SV2B: variants seen among roughly 807,000 people sequenced by gnomAD.
The protein encoded by SV2B is synaptic vesicle glycoprotein 2B.
In SV2B, 41 loss-of-function variants were observed where a neutral mutation model predicts 73.9. That is an observed-to-expected ratio of 0.56 (90% CI 0.43 to 0.72). The LOEUF (loss-of-function observed/expected upper bound fraction) is 0.72, where lower values mean the gene tolerates loss of function less well. Among genes scored for constraint, SV2B ranks in the 30% least tolerant of loss-of-function variants. SV2B has a pLI of 0.00. For synonymous variants in SV2B, 314 were observed against 314.2 expected, an observed-to-expected ratio of 1.00 and a Z score of 0.01; for missense variants, 764 against 857.8, an observed-to-expected ratio of 0.89 and a Z score of 1.37.
chr15:91,243,811 TCA>T (rs1462187011), intron 2 of SV2B, among the ~76,000 whole-genome samples: 1 of 152,226 alleles, frequency 6.6e-6, no homozygotes, highest in Non-Finnish European at 1.5e-5. Context: ...CTTCTGTCTC[TCA>T]GACTCCCTGA....
Position 91,260,305 on chromosome 15 carries a change from C to G in SV2B, c.919-15C>G, listed in dbSNP as rs749969068. 2.5e-6 allele frequency: 4 copies of G among 1,597,880 alleles called. No homozygotes were observed. The South Asian group carries it at 3.4e-5, about 14-fold the overall frequency. On this transcript the variant is annotated splice_polypyrimidine_tract_variant and intron_variant, in intron 5 of 12. Transcript: ENST00000394232. Reference sequence around the variant, plus strand: ...AGCAATGAATTTTTCCTGTGTCTTTCCTTGGTTTCACCAGATGGGCAAACA... The same window carrying G: ...AGCAATGAATTTTTCCTGTGTCTTTGCTTGGTTTCACCAGATGGGCAAACA...
At chr15:91,169,133 A>G (rs1483335073) in intron 1 of SV2B, among the ~76,000 whole-genome samples, 1 of 152,170 alleles carries the variant, frequency 6.6e-6, no homozygotes, top group Non-Finnish European at 1.5e-5. Context: ...AATCACTGTC[A>G]TCTCATTCTG....
rs1031616037 is a variant in SV2B, at chr15:91,224,811, A to G, written c.-391-1062A>G. 2.6e-5 allele frequency among the ~76,000 whole-genome samples: 4 copies of G among 152,228 alleles called. No homozygotes were observed. The highest frequency in any genetic ancestry group is 9.6e-5 in the African/African-American group (4 of 41,460). ...CTCAGCACATGTTCTGGCACACAGT[A>G]GGCCACAATAAATGGTGGCCCCAAG... On this transcript the variant is annotated intron_variant, in intron 1 of 12. Transcript: ENST00000394232. The surrounding 1 kb of genome is among the most constrained non-coding windows in gnomAD (Gnocchi z 4.9).
At chr15:91,161,842 A>G (rs1210655120) in intron 1 of SV2B, among the ~76,000 whole-genome samples, 1 of 152,192 alleles carries the variant, frequency 6.6e-6, no homozygotes, top group African/African-American at 2.4e-5. Flanking sequence ...TCCCCTGTGT[A>G]TACTTCAAAG....
At chr15:91,179,688 C>G (rs1016278791) in intron 1 of SV2B, among the ~76,000 whole-genome samples, 8 of 152,130 alleles carry the variant, frequency 5.3e-5, no homozygotes, top group African/African-American at 1.4e-4. Flanking sequence ...GGTTTAAAGT[C>G]TGTTTTATCA....
chr15:91,244,696 TTACCACTTTG>T (rs2047156474), intron 2 of SV2B, among the ~76,000 whole-genome samples: 2 of 152,194 alleles, frequency 1.3e-5, no homozygotes, highest in South Asian at 4.1e-4. Flanking sequence ...TTTATCACAT[TTACCACTTTG>T]AGGAACTGTG....
At position 91,118,253 on chromosome 15, in the gene SV2B, A is replaced by G. The variant is rs754162948; in HGVS notation, c.-392+17890A>G. 6.6e-6 allele frequency among the ~76,000 whole-genome samples: 1 copy of G among 152,116 alleles called. No individual in the cohort carries two copies. The highest frequency in any genetic ancestry group is 1.5e-5 in the Non-Finnish European group (1 of 68,008). On this transcript the variant is annotated intron_variant, in intron 1 of 12. Transcript: ENST00000394232. This position sits in a 1 kb window ranked among gnomAD's most constrained non-coding sequence, Gnocchi z 4.7. ...TTTGCTGATCCATGGTTCTGGTGGA[A>G]TGGAGTCTACTATTCAGGAGAGTGC...
chr15:91,289,622 A>G lies in SV2B; in HGVS notation c.1810A>G (p.Ile604Val), dbSNP rs1213130508. 1.9e-6 allele frequency: 3 copies of G among 1,614,202 alleles called. No homozygotes were observed. Among genetic ancestry groups the G allele is most frequent in the Non-Finnish European group, 2.5e-6 (3 of 1,180,042 alleles). The change falls in exon 12 of 13, where the codon ATT (isoleucine) becomes GTT (valine). Residue 604 changes from isoleucine (I) to valine (V), a missense_variant. Physicochemically the swap from Ile to Val is conservative, Grantham distance 29. Coordinates refer to ENST00000394232, the MANE Select transcript of SV2B (RefSeq NM_001323032.3). The surrounding 1 kb of genome is among the most constrained non-coding windows in gnomAD (Gnocchi z 4.9). ...GWQCLFCGTS[I>V]AAWNALDVIT... ...GCAGTGCCTGTTCTGTGGGACAAGCATTGCAGCCTGGAATGCTCTGGATGT... is the reference window on the plus strand; with the variant it reads ...GCAGTGCCTGTTCTGTGGGACAAGCGTTGCAGCCTGGAATGCTCTGGATGT...
intron 9 of SV2B, among the ~76,000 whole-genome samples, chr15:91,270,398 A>C (rs2141698998): frequency 6.6e-6 from 1 of 152,306 alleles, no homozygotes; most frequent in East Asian, 1.9e-4. Flanking sequence ...CAAGTGGGGA[A>C]ACAGAAGCTT....
chr15:91,298,247 C>T lies in SV2B; in HGVS notation c.*5695C>T, dbSNP rs1480271033. ...CAGAATGGCTACTGTGTGTCTTGTG[C>T]TATGCTAGGTCTCTCTCTCTCTAAG... On this transcript the variant is annotated 3_prime_UTR_variant, in exon 13 of 13. Coordinates refer to ENST00000394232, the MANE Select transcript of SV2B (RefSeq NM_001323032.3). The surrounding 1 kb of genome is among the most constrained non-coding windows in gnomAD (Gnocchi z 5.4). 6.6e-6 allele frequency: 1 copy of T among 152,218 alleles called. No individual in the cohort carries two copies. The highest frequency in any genetic ancestry group is 2.4e-5 in the African/African-American group (1 of 41,442). The allele number at this position is 152,218 out of a possible 1,614,324, so 9.4% of individuals were successfully genotyped here.
chr15:91,163,984 CT>C (rs2141257389), intron 1 of SV2B, among the ~76,000 whole-genome samples: 1 of 152,286 alleles, frequency 6.6e-6, no homozygotes, highest in East Asian at 1.9e-4. Context: ...CTACACATGG[CT>C]AGCCAGTTTT....
Position 91,132,962 on chromosome 15 carries a change from A to G in SV2B, c.-392+32599A>G, listed in dbSNP as rs1053832509. 6.6e-6 allele frequency among the ~76,000 whole-genome samples: 1 copy of G among 152,214 alleles called. No individual in the cohort carries two copies. The highest frequency in any genetic ancestry group is 2.4e-5 in the African/African-American group (1 of 41,444). On this transcript the variant is annotated intron_variant, in intron 1 of 12. Coordinates refer to ENST00000394232, the MANE Select transcript of SV2B (RefSeq NM_001323032.3). The surrounding 1 kb of genome is among the most constrained non-coding windows in gnomAD (Gnocchi z 4.6). ...CATAATAAGGGCTAAAAGACTAAAG[A>G]CTATTGGGCATCTGTTGCGTGCCAG...
intron 1 of SV2B, among the ~76,000 whole-genome samples, chr15:91,108,844 A>G (rs1437041960): frequency 1.3e-5 from 2 of 152,200 alleles, no homozygotes; most frequent in Admixed American, 6.5e-5. Context: ...TGACTTAGCA[A>G]CAAAGACCCA....
At chr15:91,188,755 C>G (rs1323248026) in intron 1 of SV2B, among the ~76,000 whole-genome samples, 1 of 152,102 alleles carries the variant, frequency 6.6e-6, no homozygotes, top group Non-Finnish European at 1.5e-5. Context: ...TATTATTGTT[C>G]TCATGACCTA....
chr15:91,246,065 C>CA (rs5814471), intron 2 of SV2B, among the ~76,000 whole-genome samples: 5,059 of 127,646 alleles, frequency 0.04, 121 homozygotes, highest in Non-Finnish European at 0.057. Flanking sequence ...TATGAGTTAG[C>CA]AAAAAAAAAA....
intron 9 of SV2B, among the ~76,000 whole-genome samples, chr15:91,272,953 C>T (rs1289674805): frequency 6.6e-6 from 1 of 151,052 alleles, no homozygotes; most frequent in East Asian, 1.9e-4. Context: ...CTGTGTCAGC[C>T]TCCTGAGTAG....
intron 9 of SV2B, among the ~76,000 whole-genome samples, chr15:91,279,484 G>T (rs999742769): frequency 2.0e-5 from 3 of 152,228 alleles, no homozygotes; most frequent in Non-Finnish European, 2.9e-5. Context: ...CCTGAATCAA[G>T]AATCTTGGGT....
intron 12 of SV2B, among the ~76,000 whole-genome samples, chr15:91,291,853 A>T (rs1297781496): frequency 6.6e-6 from 1 of 152,208 alleles, no homozygotes; most frequent in Non-Finnish European, 1.5e-5. Flanking sequence ...TGCCACTTGC[A>T]CTTACATCCC....
Position 91,268,599 on chromosome 15 carries a change from A to C in SV2B, c.1367A>C (p.Asn456Thr), listed in dbSNP as rs1272908551. Residue 456 changes from asparagine (N) to threonine (T), a missense_variant, in exon 9 of 13, where the codon AAT becomes ACT. Physicochemically the swap from Asn to Thr is moderately conservative, Grantham distance 65. Coordinates refer to ENST00000394232, the MANE Select transcript of SV2B (RefSeq NM_001323032.3). This position sits in a 1 kb window ranked among gnomAD's most constrained non-coding sequence, Gnocchi z 4.4. ...ATCCACCAACATGGGAAACTTGTGA[A>C]TGATAAGTAAGTGAGTGATCACGGG... ...NQIHQHGKLV[N>T]DKFTRMYFKH... 1.2e-6 allele frequency: 2 copies of C among 1,612,902 alleles called. No individual in the cohort carries two copies. Among genetic ancestry groups the C allele is most frequent in the Non-Finnish European group, 1.7e-6 (2 of 1,178,980 alleles).
Sources: allele counts gnomAD v4.1 joint callset (sites outside exome capture counted in the v4.1 genomes callset), GRCh38; gene constraint gnomAD v4.1.1; non-coding constraint Gnocchi (gnomAD v3.1); transcripts MANE v1.5; gene names NCBI Gene and HGNC (gene_info 2026-07-23, HGNC 2026-07-21).